The following MCPH1 variants were observed in gnomAD, a reference collection of about 807,000 sequenced individuals.
The protein encoded by MCPH1 is microcephalin.
MCPH1 carries 104 observed loss-of-function variants against 84.5 expected under a neutral mutation model. The ratio of observed to expected loss-of-function variants is 1.23; its 90% CI spans 1.05 to 1.45. The LOEUF (loss-of-function observed/expected upper bound fraction) is 1.45, where lower values mean the gene tolerates loss of function less well. MCPH1 is among the 40% of genes most tolerant of loss of function. The pLI is 0.00. For synonymous variants in MCPH1, 514 were observed against 366.8 expected (o/e 1.40, Z -4.58); for missense variants, 1,498 against 1,005.7 (o/e 1.49, Z -6.62).
chr8:6,572,843 G>C (rs1009210439), intron 12 of MCPH1, among the ~76,000 whole-genome samples: 27 of 152,242 alleles, frequency 1.8e-4, no homozygotes, highest in Non-Finnish European at 3.8e-4. Context: ...TAGTGCAGGA[G>C]GGAGCCCCCA....
intron 7 of MCPH1, among the ~76,000 whole-genome samples, chr8:6,443,860 T>A (rs1033676463): frequency 6.6e-6 from 1 of 152,208 alleles, no homozygotes; most frequent in African/African-American, 2.4e-5. Flanking sequence ...TTAGCATTAC[T>A]CTCAGGAAAT....
chr8:6,519,441 A>C (rs1246654937), intron 12 of MCPH1, among the ~76,000 whole-genome samples: 1 of 152,206 alleles, frequency 6.6e-6, no homozygotes, highest in Non-Finnish European at 1.5e-5. Flanking sequence ...ATCACTGAAA[A>C]ATGACTTTGA....
At chr8:6,488,572 G>C (rs1047828378) in intron 11 of MCPH1, among the ~76,000 whole-genome samples, 33 of 152,138 alleles carry the variant, frequency 2.2e-4, no homozygotes, top group Admixed American at 2.0e-3. Context: ...GTGCTAAACA[G>C]AATCTACTTA....
intron 1 of MCPH1, among the ~76,000 whole-genome samples, chr8:6,408,996 C>A (rs2129550705): frequency 6.6e-6 from 1 of 152,228 alleles, no homozygotes; most frequent in African/African-American, 2.4e-5. Context: ...AGTGATTCTC[C>A]TGCCTCAGCC....
At chr8:6,415,563 A>G (rs960709242) in intron 3 of MCPH1, among the ~76,000 whole-genome samples, 1 of 152,034 alleles carries the variant, frequency 6.6e-6, no homozygotes, top group Admixed American at 6.6e-5. Context: ...CATGTTGGCC[A>G]GGCTGGTTTC....
intron 12 of MCPH1, chr8:6,619,167 G>C (rs1365375858): frequency 6.6e-6 from 1 of 152,212 alleles, no homozygotes; most frequent in Non-Finnish European, 1.5e-5. Flanking sequence ...GACATGGCCA[G>C]GTGGAGATCG....
In MCPH1 at chr8:6,621,533, C is replaced by G. The variant is rs200820759; in HGVS notation, c.2294C>G (p.Ser765Trp). 341 of 1,614,218 alleles carry G rather than the reference C, an allele frequency of 2.1e-4. No individual in the cohort carries two copies. The highest frequency in any genetic ancestry group is 2.5e-4 in the Non-Finnish European group (292 of 1,180,042). ...LFADQPAMFV[S>W]PASSPPVAKL... Reference sequence around the variant, plus strand: ...GCCGACCAGCCAGCGATGTTTGTCTCGCCTGCCAGCAGCCCCCCAGTGGCC... The same window carrying G: ...GCCGACCAGCCAGCGATGTTTGTCTGGCCTGCCAGCAGCCCCCCAGTGGCC... The change falls in exon 13 of 14, where the codon TCG (serine) becomes TGG (tryptophan). Residue 765 changes from serine (S) to tryptophan (W), a missense_variant. Physicochemically the swap from Ser to Trp is radical, Grantham distance 177. Transcript: ENST00000344683.
At chr8:6,509,351 A>T (rs1240700372) in intron 12 of MCPH1, among the ~76,000 whole-genome samples, 1 of 152,202 alleles carries the variant, frequency 6.6e-6, no homozygotes, top group Non-Finnish European at 1.5e-5. Context: ...CTGCTTTCAG[A>T]TAAACAGAAG....
intron 13 of MCPH1, chr8:6,624,877 T>TTG: frequency 1.1e-6 from 1 of 948,818 alleles, no homozygotes; most frequent in Non-Finnish European, 1.3e-6. Context: ...TCATATACTT[T>TTG]TTTTTTTTTT....
intron 12 of MCPH1, among the ~76,000 whole-genome samples, chr8:6,545,281 C>A (rs1822370507): frequency 6.6e-6 from 1 of 152,114 alleles, no homozygotes; most frequent in South Asian, 2.1e-4. Context: ...ATGAGTGAAT[C>A]CATATTTTTA....
At chr8:6,474,234 A>T in intron 9 of MCPH1, 3 of 632,040 alleles carry the variant, frequency 4.7e-6, no homozygotes. Flanking sequence ...TCGTCATACA[A>T]TTGCTTTTCT....
chr8:6,622,883 C>T (rs566112950), intron 13 of MCPH1, among the ~76,000 whole-genome samples: 1 of 152,264 alleles, frequency 6.6e-6, no homozygotes, highest in Admixed American at 6.5e-5. Context: ...CTCTGTCACC[C>T]AGGATGGAGT....
At chr8:6,527,506 C>T in intron 12 of MCPH1, 1 of 1,586,734 alleles carries the variant, frequency 6.3e-7, no homozygotes, top group Non-Finnish European at 8.6e-7. Flanking sequence ...ACTTTCATAT[C>T]TGGAAAGTGT....
chr8:6,592,813 C>A (rs1200040983), intron 12 of MCPH1, among the ~76,000 whole-genome samples: 1 of 128,686 alleles, frequency 7.8e-6, no homozygotes, highest in Non-Finnish European at 1.6e-5. Context: ...TGCCACCACA[C>A]CTGGCAATTT....
At chr8:6,592,003 AAACCATGTG>A (rs2129577697) in intron 12 of MCPH1, among the ~76,000 whole-genome samples, 1 of 152,334 alleles carries the variant, frequency 6.6e-6, no homozygotes, top group East Asian at 1.9e-4. Flanking sequence ...TGAGAGTGGG[AAACCATGTG>A]AAGCTCTGTT....
intron 12 of MCPH1, among the ~76,000 whole-genome samples, chr8:6,558,312 A>G (rs1353332889): frequency 2.0e-5 from 3 of 152,180 alleles, no homozygotes; most frequent in African/African-American, 4.8e-5. Flanking sequence ...CACCATTTTA[A>G]TAGCCTGACA....
chr8:6,601,522 GACACACACAC>G (rs144757663), intron 12 of MCPH1, among the ~76,000 whole-genome samples: 1 of 143,984 alleles, frequency 6.9e-6, no homozygotes. Flanking sequence ...CATCATATGG[GACACACACAC>G]ACACACACAC....
intron 12 of MCPH1, among the ~76,000 whole-genome samples, chr8:6,571,018 A>G (rs1477275081): frequency 6.6e-6 from 1 of 152,110 alleles, no homozygotes; most frequent in African/African-American, 2.4e-5. Context: ...AGAAAAAAAA[A>G]TTCCTTGAGT....
At chr8:6,546,786 C>G (rs2129574505) in intron 12 of MCPH1, among the ~76,000 whole-genome samples, 1 of 152,316 alleles carries the variant, frequency 6.6e-6, no homozygotes, top group South Asian at 2.1e-4. Flanking sequence ...CCCCTTCCCC[C>G]AATCCAAGTA....
Sources: allele counts gnomAD v4.1 joint callset (sites outside exome capture counted in the v4.1 genomes callset), GRCh38; gene constraint gnomAD v4.1.1; transcripts MANE v1.5; gene names NCBI Gene and HGNC (gene_info 2026-07-23, HGNC 2026-07-21).